Variants in NUDC observed in about 807,000 individuals in gnomAD.
NUDC encodes the protein nuclear distribution C, dynein complex regulator.
NUDC carries 14 observed loss-of-function variants against 45.0 expected under a neutral mutation model. The observed-to-expected ratio is 0.31, with a 90% CI of 0.21 to 0.49. The LOEUF (loss-of-function observed/expected upper bound fraction) is 0.49. NUDC is among the 20% of genes least tolerant of loss of function. NUDC has a pLI of 0.99. For missense variants in NUDC, 323 were observed against 426.2 expected (o/e 0.76, Z 2.13); for synonymous variants, 153 against 156.7 (o/e 0.98, Z 0.17).
At chr1:26,933,708 C>T (rs2082202335) in intron 2 of NUDC, among the ~76,000 whole-genome samples, 1 of 152,092 alleles carries the variant, frequency 6.6e-6, no homozygotes, top group Non-Finnish European at 1.5e-5. Context: ...GCCACTGCAT[C>T]CAGCCAGTTT....
Position 26,941,824 on chromosome 1 carries a change from A to G in NUDC, c.429+6A>G. The G allele has an allele frequency of 6.2e-7, 1 of 1,612,610 alleles. No individual in the cohort carries two copies. The highest frequency in any genetic ancestry group is 8.5e-7 in the Non-Finnish European group (1 of 1,179,884). On this transcript the variant is annotated splice_donor_region_variant and intron_variant, in intron 4 of 8. Coordinates refer to ENST00000321265, the MANE Select transcript of NUDC (RefSeq NM_006600.4). ...TTGACTCCCCAGGGAAGCAGGTGAG[A>G]TGGACTGCAGGGACTTGGGATGAGC...
upstream of NUDC, among the ~76,000 whole-genome samples, chr1:26,918,572 C>CTTTTT (rs1156337137): frequency 7.7e-6 from 1 of 129,322 alleles, no homozygotes; most frequent in Non-Finnish European, 1.7e-5. Flanking sequence ...CCGCACCCAG[C>CTTTTT]TTTTTTTTTT....
intron 2 of NUDC, 133 bp downstream of exon 2, chr1:26,924,299 G>C (rs1002752389): frequency 1.3e-6 from 1 of 755,648 alleles, no homozygotes; most frequent in Admixed American, 2.0e-5. Flanking sequence ...GGGAAGGGAA[G>C]GAAGCTGTCA....
rs115983950 is a variant in NUDC, at chr1:26,926,172, C to T, written c.159+2006C>T. ...CTGAGATTACAGGCGTGAGCCACCA[C>T]GCCCGGCGCCATTATCTTTATAATA... On this transcript the variant is annotated intron_variant, in intron 2 of 8. Coordinates refer to ENST00000321265, the MANE Select transcript of NUDC (RefSeq NM_006600.4). Among the ~76,000 whole-genome samples the T allele has an allele frequency of 2.7e-3, 412 of 152,236 alleles. 2 individuals are homozygous for T. The highest frequency in any genetic ancestry group is 9.6e-3 in the African/African-American group (397 of 41,532).
rs1321304061 is a variant in NUDC, at chr1:26,938,833, G to A, written c.160-2624G>A. Among the ~76,000 whole-genome samples, 3 of 152,208 alleles carry A rather than the reference G, an allele frequency of 2.0e-5. No individual in the cohort carries two copies. The East Asian group carries it at 5.8e-4, about 29-fold the overall frequency. ...CCTCTAGGGGTATGTGCGTATGTGT[G>A]CACATGCACACTGTGTATGGGTTGG... On this transcript the variant is annotated intron_variant, in intron 2 of 8. Transcript: ENST00000321265.
At chr1:26,911,111 T>G (rs1264880160) in intron 2 of NUDC, 1 of 471,070 alleles carries the variant, frequency 2.1e-6, no homozygotes. Context: ...TGGACCACTC[T>G]CTTTTGTCAT....
intron 2 of NUDC, among the ~76,000 whole-genome samples, chr1:26,910,079 A>G (rs2082019220): frequency 1.3e-5 from 2 of 152,120 alleles, no homozygotes; most frequent in Non-Finnish European, 2.9e-5. Flanking sequence ...TCCCTTTACT[A>G]TGACGCAGGG....
chr1:26,918,928 C>A (rs1466633830), upstream of NUDC, among the ~76,000 whole-genome samples: 5 of 152,080 alleles, frequency 3.3e-5, no homozygotes, highest in Admixed American at 3.3e-4. Context: ...CAGGCGCACA[C>A]CACCACACCC....
At chr1:26,923,989 A>G (rs768509262) in intron 1 of NUDC, 100 bp from the exon 2 acceptor site, 8 of 1,042,748 alleles carry the variant, frequency 7.7e-6, no homozygotes, top group Admixed American at 1.7e-5. Context: ...AAAAATAGTC[A>G]AGTCCCAAGT....
intron 2 of NUDC, among the ~76,000 whole-genome samples, chr1:26,933,955 A>C (rs1216575396): frequency 2.0e-5 from 3 of 151,948 alleles, no homozygotes; most frequent in Admixed American, 6.6e-5. Context: ...GAGATCAAGA[A>C]CATCCTGGCC....
intron 1 of NUDC, among the ~76,000 whole-genome samples, chr1:26,922,828 C>T (rs1054137578): frequency 2.2e-4 from 34 of 152,178 alleles, no homozygotes; most frequent in Admixed American, 3.3e-4. Flanking sequence ...TGACCAAGGA[C>T]TTCTAAGCCC....
chr1:26,924,313 C>T, intron 2 of NUDC, 147 bp downstream of exon 2: 1 of 724,694 alleles, frequency 1.4e-6, no homozygotes, highest in Non-Finnish European at 2.5e-6. Context: ...GCTGTCATTT[C>T]TTCAAGCTCC....
intron 6 of NUDC, 42 bp downstream of exon 6, chr1:26,943,107 A>C: frequency 6.2e-7 from 1 of 1,600,132 alleles, no homozygotes. Flanking sequence ...TGTTGATGGA[A>C]GTAGAAGGGA....
chr1:26,934,147 G>T (rs113280370), intron 2 of NUDC, among the ~76,000 whole-genome samples: 1 of 152,184 alleles, frequency 6.6e-6, no homozygotes, highest in African/African-American at 2.4e-5. Context: ...GCGAGACTCC[G>T]TCTCAAAGAA....
rs376431324 is a variant in NUDC, at chr1:26,934,260, A to G, written c.160-7197A>G. On this transcript the variant is annotated intron_variant, in intron 2 of 8. Transcript: ENST00000321265. ...GCATTTCTTCACAGATTGGCAGGAG[A>G]GAGAATGAGTGCCAGCAGAAGAAAT... Among the ~76,000 whole-genome samples, 18 of 152,280 alleles carry G rather than the reference A, an allele frequency of 1.2e-4. No individual in the cohort carries two copies. In the East Asian group the frequency reaches 3.5e-3, roughly 29 times the overall value.
intron 2 of NUDC, among the ~76,000 whole-genome samples, chr1:26,938,723 G>A (rs866181848): frequency 3.3e-5 from 5 of 152,198 alleles, no homozygotes; most frequent in South Asian, 4.1e-4. Flanking sequence ...TTGAGCCCCT[G>A]CAGAGCTTTC....
intron 3 of NUDC, chr1:26,911,252 A>G (rs1475937572): frequency 2.2e-6 from 1 of 447,756 alleles, no homozygotes; most frequent in Non-Finnish European, 4.6e-6. Context: ...GGGCGCCTGA[A>G]GTGGGTAGGA....
upstream of NUDC, among the ~76,000 whole-genome samples, chr1:26,921,538 A>G (rs1464072412): frequency 1.3e-5 from 2 of 152,214 alleles, no homozygotes; most frequent in African/African-American, 4.8e-5. Flanking sequence ...GGGTGACCAT[A>G]GCAACTCATG....
intron 2 of NUDC, among the ~76,000 whole-genome samples, chr1:26,929,191 G>A (rs908699988): frequency 1.3e-4 from 20 of 152,182 alleles, no homozygotes; most frequent in Admixed American, 9.8e-4. Flanking sequence ...CTTTGTATCC[G>A]TGGGCTCTGC....
Sources: gnomAD v4.1 joint callset for allele counts (sites outside exome capture counted in the v4.1 genomes callset) on GRCh38, gnomAD v4.1.1 for gene constraint, MANE v1.5 for transcripts, NCBI Gene and HGNC (gene_info 2026-07-23, HGNC 2026-07-21) for gene names.